FPGS: variants seen among roughly 807,000 people sequenced by gnomAD.
FPGS encodes the protein folylpolyglutamate synthase.
Under a neutral mutation model 66.5 loss-of-function variants are expected in FPGS, and 53 were observed. The ratio of observed to expected loss-of-function variants is 0.80; its 90% CI spans 0.64 to 1.00. The LOEUF (loss-of-function observed/expected upper bound fraction) is 1.00, where lower values mean the gene tolerates loss of function less well. Among genes scored for constraint, FPGS ranks in the 50% least tolerant of loss-of-function variants. The pLI is 0.00. For synonymous variants in FPGS, 348 were observed against 350.9 expected (o/e 0.99, Z 0.09); for missense variants, 702 against 807.7 (o/e 0.87, Z 1.59).
At chr9:127,803,381 C>T in intron 1 of FPGS, 1 of 1,106,138 alleles carries the variant, frequency 9.0e-7, no homozygotes. Flanking sequence ...GAGTCTGAAC[C>T]GGCAGTGAGA....
In FPGS at chr9:127,807,235, CT is replaced by C. The variant is rs758908608; in HGVS notation, c.529del (p.Tyr177ThrfsTer5). On this transcript the variant is annotated frameshift_variant, in exon 6 of 15. Coordinates refer to ENST00000373247, the MANE Select transcript of FPGS (RefSeq NM_004957.6). LOFTEE classifies it high-confidence loss of function. The surrounding 1 kb of genome is among the most constrained non-coding windows in gnomAD (Gnocchi z 5.8). Reference protein sequence around the residue: ...KDGSCVSMPPYFRFLTLMAFH... With the variant: ...KDGSCVSMPPXFRFLTLMAFH... ...ATGGCAGCTGTGTCTCCATGCCCCC[CT>C]ACTTCCGCTTCCTGACACTCATGGC... is the stretch of plus-strand genomic sequence containing the variant. 5.6e-6 allele frequency: 9 copies of C among 1,614,160 alleles called. No individual in the cohort carries two copies. Among genetic ancestry groups the C allele is most frequent in the Non-Finnish European group, 7.6e-6 (9 of 1,180,002 alleles).
Position 127,807,295 on chromosome 9 carries a change from CCT to C in FPGS, c.579+13_579+14del. 1.2e-6 allele frequency: 2 copies of C among 1,614,106 alleles called. No homozygotes were observed. Among genetic ancestry groups the C allele is most frequent in the Non-Finnish European group, 1.7e-6 (2 of 1,179,968 alleles). On this transcript the variant is annotated intron_variant, in intron 6 of 14. Coordinates refer to ENST00000373247, the MANE Select transcript of FPGS (RefSeq NM_004957.6). This position sits in a 1 kb window ranked among gnomAD's most constrained non-coding sequence, Gnocchi z 5.8. ...TCTTCCTCCAAGAGAAGGTGTGTGCCCTCTCCCTAGAACCCTGCATCTGAGGC... is the reference window on the plus strand; with the variant it reads ...TCTTCCTCCAAGAGAAGGTGTGTGCCCTCCCTAGAACCCTGCATCTGAGGC...
Position 127,804,692 on chromosome 9 carries a change from A to T in FPGS, c.378A>T (p.Gly126=). 1 of 1,613,792 alleles carries T rather than the reference A, an allele frequency of 6.2e-7. No individual in the cohort carries two copies. Among genetic ancestry groups the T allele is most frequent in the Non-Finnish European group, 8.5e-7 (1 of 1,179,922 alleles). Reference sequence around the variant, plus strand: ...TCCGAAGCTATGGCCTGAAGACGGGATTCTTTAGGTACTGGCTTGTGGGGG... The same window carrying T: ...TCCGAAGCTATGGCCTGAAGACGGGTTTCTTTAGGTACTGGCTTGTGGGGG... The part of the protein sequence containing the change: ...CILRSYGLKT[G]FFSSPHLVQV... The change falls in exon 4 of 15, where the codon GGA becomes GGT. Residue 126 remains glycine, a synonymous_variant. Coordinates refer to ENST00000373247, the MANE Select transcript of FPGS (RefSeq NM_004957.6).
Position 127,802,918 on chromosome 9 carries a change from CGGGACTATGTCGCGGGCGCG to C in FPGS, c.-5_15del. On this transcript the variant is annotated start_lost and 5_prime_UTR_variant, in exon 1 of 15. Coordinates refer to ENST00000373247, the MANE Select transcript of FPGS (RefSeq NM_004957.6). ...GGGCCTAGAGCGCTGCCGGGGGCGC[CGGGACTATGTCGCGGGCGCG>C]GAGCCACCTGCGCGCCGCTCTATTC... is the stretch of plus-strand genomic sequence containing the variant. 7.3e-7 allele frequency: 1 copy of C among 1,368,440 alleles called. No homozygotes were observed. The highest frequency in any genetic ancestry group is 9.4e-7 in the Non-Finnish European group (1 of 1,066,968). The allele number at this position is 1,368,440 out of a possible 1,614,324, so 84.8% of individuals were successfully genotyped here.
intron 10 of FPGS, 24 bp from the exon 11 acceptor site, chr9:127,808,776 C>T (rs1172289411): frequency 4.5e-6 from 7 of 1,555,126 alleles, no homozygotes; most frequent in Admixed American, 1.9e-5. Flanking sequence ...GTCCCGGACA[C>T]ACTTGGTCTC....
chr9:127,812,510 G>GT (rs1435565869), intron 14 of FPGS, among the ~76,000 whole-genome samples: 11 of 150,612 alleles, frequency 7.3e-5, no homozygotes, highest in African/African-American at 2.7e-4. Flanking sequence ...TTTGTTTTTT[G>GT]TTTGTTTATA....
At position 127,813,998 on chromosome 9, in the gene FPGS, C is replaced by G. The variant is rs531042773; in HGVS notation, c.*394C>G. ...TGCCTTCTGGGAAGGGAGAGGGCCT[C>G]TGCCTGGGACACTGCGGGACAGAGG... On this transcript the variant is annotated 3_prime_UTR_variant, in exon 15 of 15. Coordinates refer to ENST00000373247, the MANE Select transcript of FPGS (RefSeq NM_004957.6). 2.1e-4 allele frequency: 218 copies of G among 1,043,332 alleles called. No individual in the cohort carries two copies. The highest frequency in any genetic ancestry group is 2.4e-4 in the Non-Finnish European group (209 of 868,326). The allele number at this position is 1,043,332 out of a possible 1,614,324, so 64.6% of individuals were successfully genotyped here. A position where few individuals can be genotyped will look rare whatever the true frequency, so the allele number is the denominator to read the frequency against.
At position 127,813,706 on chromosome 9, in the gene FPGS, T is replaced by C; in HGVS notation, c.*102T>C. The C allele has an allele frequency of 7.1e-7, 1 of 1,408,032 alleles. No homozygotes were observed. The highest frequency in any genetic ancestry group is 1.6e-5 in the South Asian group (1 of 60,820). The allele number at this position is 1,408,032 out of a possible 1,614,324, so 87.2% of individuals were successfully genotyped here. On this transcript the variant is annotated 3_prime_UTR_variant, in exon 15 of 15. Transcript: ENST00000373247. ...TTTGTTTTTGGCTTTCCTGGTTCTG[T>C]CTAGACTGGCCTAGGGGCCAGGGCT...
At chr9:127,803,559 T>C (rs1244756308) in intron 1 of FPGS, among the ~76,000 whole-genome samples, 1 of 151,290 alleles carries the variant, frequency 6.6e-6, no homozygotes. Context: ...ACCTGGAAAA[T>C]AGAAAATGTC....
intron 11 of FPGS, 37 bp downstream of exon 11, chr9:127,808,926 G>A (rs1355152599): frequency 7.7e-6 from 11 of 1,428,862 alleles, no homozygotes; most frequent in African/African-American, 1.4e-5. Context: ...GGACCACTGC[G>A]TGTGTCTGTG....
chr9:127,805,421 A>C (rs1046204802), intron 4 of FPGS, among the ~76,000 whole-genome samples: 2 of 151,844 alleles, frequency 1.3e-5, no homozygotes, highest in Non-Finnish European at 2.9e-5. Context: ...AAAAAAAAAA[A>C]GAAAATTACA....
Position 127,807,038 on chromosome 9 carries a change from T to C in FPGS, c.452T>C (p.Leu151Pro), listed in dbSNP as rs1348254052. ...RINGQPISPE[L>P]FTKYFWRLYH... The stretch of plus-strand genomic sequence containing the variant: ...AATGGGCAGCCCATCAGTCCTGAGC[T>C]CTTCACCAAGTACTTCTGGCGCCTC... The change falls in exon 5 of 15, where the codon CTC becomes CCC. Residue 151 changes from leucine to proline, a missense_variant. By Grantham distance (98) the Leu-to-Pro change is moderately conservative. This residue lies in a region of FPGS where 240 missense variants were observed against 348.6 expected (regional missense o/e 0.69). Coordinates refer to ENST00000373247, the MANE Select transcript of FPGS (RefSeq NM_004957.6). The surrounding 1 kb of genome is among the most constrained non-coding windows in gnomAD (Gnocchi z 5.8). The C allele has an allele frequency of 6.2e-7, 1 of 1,613,838 alleles. No individual in the cohort carries two copies. Among genetic ancestry groups the C allele is most frequent in the East Asian group, 2.2e-5 (1 of 44,868 alleles).
At chr9:127,804,227 CTG>C in intron 1 of FPGS, 56 bp from the exon 2 acceptor site, 2 of 1,586,498 alleles carry the variant, frequency 1.3e-6, no homozygotes, top group South Asian at 2.3e-5. Context: ...CTGGCTGTCT[CTG>C]TGCCTGTGGA....
chr9:127,807,063 C>T lies in FPGS; in HGVS notation c.477C>T (p.Leu159=), dbSNP rs370417615. ...PELFTKYFWR[L]YHRLEETKDG... ...TCTTCACCAAGTACTTCTGGCGCCT[C>T]TACCACCGGCTGGAGGAGACCAAGG... The change falls in exon 5 of 15, where the codon CTC becomes CTT. Residue 159 remains leucine (L), a synonymous_variant. Coordinates refer to ENST00000373247, the MANE Select transcript of FPGS (RefSeq NM_004957.6). The surrounding 1 kb of genome is among the most constrained non-coding windows in gnomAD (Gnocchi z 5.8). The T allele has an allele frequency of 2.5e-6, 4 of 1,614,178 alleles. No individual in the cohort carries two copies. Among genetic ancestry groups the T allele is most frequent in the Non-Finnish European group, 3.4e-6 (4 of 1,179,998 alleles).
In FPGS at chr9:127,802,937, C is replaced by A; in HGVS notation, c.13C>A (p.Arg5=). The A allele has an allele frequency of 7.2e-7, 1 of 1,393,788 alleles. No individual in the cohort carries two copies. The allele number at this position is 1,393,788 out of a possible 1,614,324, so 86.3% of individuals were successfully genotyped here. MSRA[R]SHLRAALFLA... is the part of the protein sequence containing the mutation. ...GGGCGCCGGGACTATGTCGCGGGCG[C>A]GGAGCCACCTGCGCGCCGCTCTATT... The change falls in exon 1 of 15, where the codon CGG becomes AGG. Residue 5 remains arginine (R), a synonymous_variant. Coordinates refer to ENST00000373247, the MANE Select transcript of FPGS (RefSeq NM_004957.6).
chr9:127,808,744 C>T (rs1013863443), intron 10 of FPGS, 39 bp downstream of exon 10: 3 of 1,559,838 alleles, frequency 1.9e-6, no homozygotes, highest in African/African-American at 2.7e-5. Flanking sequence ...GTGGGTGGCA[C>T]CTGTGGAGCC....
intron 12 of FPGS, 92 bp from the exon 13 acceptor site, chr9:127,809,939 T>C (rs1428015181): frequency 3.3e-5 from 8 of 244,658 alleles, no homozygotes; most frequent in Non-Finnish European, 6.2e-5. Flanking sequence ...GGCGGGCCCA[T>C]GGGGAGGGGC....
chr9:127,803,384 C>T (rs1037913314), intron 1 of FPGS: 18 of 1,103,128 alleles, frequency 1.6e-5, no homozygotes, highest in Non-Finnish European at 1.8e-5. Flanking sequence ...TCTGAACCGG[C>T]AGTGAGAGTG....
downstream of FPGS, chr9:127,814,360 A>T (rs1830228391): frequency 1.1e-5 from 2 of 181,324 alleles, no homozygotes; most frequent in Admixed American, 1.3e-4. Context: ...TCAAGAAGCC[A>T]TGGAGGCCGG....
Sources: gnomAD v4.1 joint callset for allele counts (sites outside exome capture counted in the v4.1 genomes callset) on GRCh38, gnomAD v4.1.1 for gene constraint, gnomAD v4.1.1 regional missense constraint, Gnocchi (gnomAD v3.1) non-coding constraint, MANE v1.5 for transcripts, NCBI Gene and HGNC (gene_info 2026-07-23, HGNC 2026-07-21) for gene names.